Variants in RBFOX3 observed in about 807,000 individuals in gnomAD.
The protein encoded by RBFOX3 is RNA binding protein fox-1 homolog 3.
In RBFOX3, 17 loss-of-function variants were observed where a neutral mutation model predicts 48.7. The ratio of observed to expected loss-of-function variants is 0.35; its 90% CI spans 0.24 to 0.52. The LOEUF (loss-of-function observed/expected upper bound fraction) is 0.52, where lower values mean the gene tolerates loss of function less well. Among genes scored for constraint, RBFOX3 ranks in the 20% least tolerant of loss-of-function variants. The pLI is 0.94. For synonymous variants in RBFOX3, 212 were observed against 209.5 expected (o/e 1.01, Z -0.10); for missense variants, 382 against 497.5 (o/e 0.77, Z 2.21).
At chr17:79,513,782 T>A (rs2084857554) in intron 1 of RBFOX3, among the ~76,000 whole-genome samples, 1 of 152,204 alleles carries the variant, frequency 6.6e-6, no homozygotes, top group Non-Finnish European at 1.5e-5. Context: ...CACAGCCTCC[T>A]GGGGCCAGCA....
intron 2 of RBFOX3, among the ~76,000 whole-genome samples, chr17:79,404,040 A>G (rs2063201890): frequency 6.6e-6 from 1 of 152,100 alleles, no homozygotes. Context: ...GGCCTCCCAA[A>G]GTGCTGGGAT....
intron 3 of RBFOX3, among the ~76,000 whole-genome samples, chr17:79,239,338 C>T (rs1053377560): frequency 1.3e-5 from 2 of 152,166 alleles, no homozygotes; most frequent in African/African-American, 4.8e-5. Flanking sequence ...TGATTCTCAG[C>T]CTCACTGTTA....
At chr17:79,368,414 C>A (rs1002443684) in intron 2 of RBFOX3, among the ~76,000 whole-genome samples, 1 of 152,252 alleles carries the variant, frequency 6.6e-6, no homozygotes, top group Non-Finnish European at 1.5e-5. Context: ...TGTGGCTTCA[C>A]AATGCTATTT....
rs139172998 is a variant in RBFOX3, at chr17:79,119,823, C to T, written c.-33-4075G>A. On this transcript the variant is annotated intron_variant, in intron 4 of 14. Coordinates refer to ENST00000693108, the MANE Select transcript of RBFOX3 (RefSeq NM_001350451.2). ...GCGGCTCTCAGAGCTGGCTACACATCCCAGTCACCTAGAGAAGTGTCCACA... is the reference window on the plus strand; with the variant it reads ...GCGGCTCTCAGAGCTGGCTACACATTCCAGTCACCTAGAGAAGTGTCCACA... Among the ~76,000 whole-genome samples the T allele has an allele frequency of 9.6e-3, 1,469 of 152,292 alleles. 10 individuals are homozygous for T. The highest frequency in any genetic ancestry group is 0.024 in the Middle Eastern group (7 of 294).
At position 79,252,739 on chromosome 17, in the gene RBFOX3, A is replaced by G. The variant is rs60182447; in HGVS notation, c.-73-16934T>C. Among the ~76,000 whole-genome samples, 4,878 of 151,728 alleles carry G rather than the reference A, an allele frequency of 0.032. 73 individuals are homozygous for G. The highest frequency in any genetic ancestry group is 0.051 in the Middle Eastern group (15 of 294). The stretch of plus-strand genomic sequence containing the variant: ...TCACATCGCTCTGGCTGTGTTGACC[A>G]CTCCCAGCCAACTGCCCCTCTCAAT... On this transcript the variant is annotated intron_variant, in intron 3 of 14. Coordinates refer to ENST00000693108, the MANE Select transcript of RBFOX3 (RefSeq NM_001350451.2). This position sits in a 1 kb window ranked among gnomAD's most constrained non-coding sequence, Gnocchi z 4.0.
chr17:79,143,373 CGGGGGGTGGGG>C (rs2042308904), intron 4 of RBFOX3, among the ~76,000 whole-genome samples: 1 of 7,972 alleles, frequency 1.3e-4, no homozygotes, highest in Non-Finnish European at 2.8e-4. Context: ...GTTGGTGGAG[CGGGGGGTGGGG>C]GGGGGTTCTA....
chr17:79,310,360 G>A (rs1014643890), intron 2 of RBFOX3, among the ~76,000 whole-genome samples: 6 of 152,108 alleles, frequency 3.9e-5, no homozygotes, highest in African/African-American at 1.4e-4. Context: ...CATGACTGGT[G>A]CAAACCTCAG....
intron 12 of RBFOX3, 33 bp downstream of exon 12, chr17:79,096,620 T>TTGGCCCCCCC: frequency 6.7e-7 from 1 of 1,502,346 alleles, no homozygotes. Context: ...GAACGCCTGA[T>TTGGCCCCCCC]CCCACCCTCC....
At chr17:79,149,569 G>A (rs2043852805) in intron 4 of RBFOX3, among the ~76,000 whole-genome samples, 1 of 152,094 alleles carries the variant, frequency 6.6e-6, no homozygotes, top group South Asian at 2.1e-4. Flanking sequence ...TGTGCCTGGG[G>A]GGGTCCGTGG....
At chr17:79,532,206 A>C (rs78094680) in intron 1 of RBFOX3, among the ~76,000 whole-genome samples, 12 of 149,972 alleles carry the variant, frequency 8.0e-5, no homozygotes, top group South Asian at 2.1e-4. Context: ...TGGAGGGGGG[A>C]GGGGAGGAGG....
intron 2 of RBFOX3, among the ~76,000 whole-genome samples, chr17:79,463,311 T>C (rs1465285293): frequency 3.4e-5 from 1 of 29,704 alleles, no homozygotes; most frequent in African/African-American, 1.2e-4. Flanking sequence ...TCCACCACCA[T>C]CGCCACTGCC....
intron 1 of RBFOX3, chr17:79,601,039 T>A (rs2080314960): frequency 6.6e-6 from 1 of 152,272 alleles, no homozygotes. Flanking sequence ...GACATGGCCA[T>A]GCTCCCGCTG....
chr17:79,263,190 A>G (rs1429921409), intron 3 of RBFOX3, among the ~76,000 whole-genome samples: 2 of 152,084 alleles, frequency 1.3e-5, no homozygotes, highest in Non-Finnish European at 2.9e-5. Context: ...GCCTCCCCCA[A>G]CCTTTGGAGG....
rs899122566 is a variant in RBFOX3, at chr17:79,595,629, G to A, written c.-320+15197C>T. On this transcript the variant is annotated intron_variant, in intron 1 of 14. Coordinates refer to ENST00000693108, the MANE Select transcript of RBFOX3 (RefSeq NM_001350451.2). ...GTGTGTTAGCAGCGGGGAGACCTGT[G>A]GGAAGTGGCATGCCAGCCGCGCAGA... 2.0e-5 allele frequency among the ~76,000 whole-genome samples: 3 copies of A among 152,134 alleles called. No homozygotes were observed. In the East Asian group the frequency reaches 5.8e-4, roughly 29 times the overall value.
At chr17:79,144,968 G>A (rs2042720292) in intron 4 of RBFOX3, among the ~76,000 whole-genome samples, 1 of 152,214 alleles carries the variant, frequency 6.6e-6, no homozygotes, top group Non-Finnish European at 1.5e-5. Flanking sequence ...GCTCCCACAC[G>A]CTGGTTCCCA....
intron 2 of RBFOX3, among the ~76,000 whole-genome samples, chr17:79,399,078 G>A (rs2062434044): frequency 6.6e-6 from 1 of 152,154 alleles, no homozygotes; most frequent in South Asian, 2.1e-4. Flanking sequence ...TACAAGCCCG[G>A]GAACCCCTCG....
intron 2 of RBFOX3, among the ~76,000 whole-genome samples, chr17:79,453,353 A>T (rs1198964264): frequency 6.6e-6 from 1 of 152,140 alleles, no homozygotes; most frequent in African/African-American, 2.4e-5. Flanking sequence ...ATGGCCATAG[A>T]AGCTGGGGCG....
intron 1 of RBFOX3, among the ~76,000 whole-genome samples, chr17:79,575,436 G>A (rs1465650474): frequency 1.3e-5 from 2 of 152,202 alleles, no homozygotes; most frequent in South Asian, 2.1e-4. Flanking sequence ...GGGTCGAGGT[G>A]CAGGGGCAGC....
chr17:79,389,123 G>A (rs948745502), intron 2 of RBFOX3, among the ~76,000 whole-genome samples: 7 of 152,198 alleles, frequency 4.6e-5, no homozygotes, highest in Non-Finnish European at 1.0e-4. Flanking sequence ...GGCAAGCACC[G>A]CGTCACAGGG....
Sources: gnomAD v4.1 joint callset for allele counts (sites outside exome capture counted in the v4.1 genomes callset) on GRCh38, gnomAD v4.1.1 for gene constraint, Gnocchi (gnomAD v3.1) non-coding constraint, MANE v1.5 for transcripts, NCBI Gene and HGNC (gene_info 2026-07-23, HGNC 2026-07-21) for gene names.